SLAMF9: variants seen among roughly 807,000 people sequenced by gnomAD.
The protein encoded by SLAMF9 is SLAM family member 9, also known as CD2 family member 10.
Under a neutral mutation model 30.4 loss-of-function variants are expected in SLAMF9, and 25 were observed. The observed-to-expected ratio is 0.82, with a 90% CI of 0.60 to 1.15. The LOEUF is 1.15. Among genes scored for constraint, SLAMF9 ranks in the 50% most tolerant of loss-of-function variants. SLAMF9 has a pLI of 0.00. For synonymous variants in SLAMF9, 129 were observed against 127.2 expected (o/e 1.01, Z -0.09); for missense variants, 344 against 346.1 (o/e 0.99, Z 0.05).
In SLAMF9 at chr1:159,953,502, T is replaced by G; in HGVS notation, c.198A>C (p.Pro66=). 6.2e-7 allele frequency: 1 copy of G among 1,614,228 alleles called. No individual in the cohort carries two copies. The highest frequency in any genetic ancestry group is 8.5e-7 in the Non-Finnish European group (1 of 1,180,038). ...TGGTAGCTGGATGTCCCTCTTTCCC[T>G]GGCACCACAGTGGCAAGACTTTTGT... is the stretch of plus-strand genomic sequence containing the variant. ...SSHKSLATVV[P]GKEGHPATIM... The change falls in exon 2 of 4, where the codon CCA becomes CCC. Residue 66 remains proline (P), a synonymous_variant. Coordinates refer to ENST00000368093, the MANE Select transcript of SLAMF9 (RefSeq NM_033438.4).
chr1:159,958,475 T>G (rs1651977205), upstream of SLAMF9, among the ~76,000 whole-genome samples: 1 of 151,548 alleles, frequency 6.6e-6, no homozygotes, highest in African/African-American at 2.4e-5. Context: ...TTTTTTTTTA[T>G]TAAGAGACAG....
At chr1:159,952,158 C>T (rs1191173836) in intron 3 of SLAMF9, 104 bp downstream of exon 3, 1 of 1,377,160 alleles carries the variant, frequency 7.3e-7, no homozygotes, top group Non-Finnish European at 1.0e-6. Context: ...AGGGGGTTAG[C>T]TTCTGAATTC....
the SLAMF9 span, chr1:159,978,450 A>G: frequency 6.6e-6 from 1 of 152,236 alleles, no homozygotes; most frequent in Non-Finnish European, 1.5e-5. Context: ...TAGATGGACA[A>G]ATGTAGACAC....
At chr1:159,965,169 C>T in the SLAMF9 span, among the ~76,000 whole-genome samples, 7 of 152,156 alleles carry the variant, frequency 4.6e-5, no homozygotes, top group Non-Finnish European at 1.0e-4. Flanking sequence ...CAGGAAAACG[C>T]GAAGCTTACA....
At chr1:159,973,467 A>G in the SLAMF9 span, among the ~76,000 whole-genome samples, 1 of 151,864 alleles carries the variant, frequency 6.6e-6, no homozygotes, top group Non-Finnish European at 1.5e-5. Context: ...ACACAGCCAG[A>G]CCCTTCTGGA....
chr1:159,951,650 C>T lies in SLAMF9; in HGVS notation c.*11G>A. 1.2e-6 allele frequency: 2 copies of T among 1,613,294 alleles called. No homozygotes were observed. Among genetic ancestry groups the T allele is most frequent in the Non-Finnish European group, 1.7e-6 (2 of 1,179,782 alleles). Reference sequence around the variant, plus strand: ...GAAACCAAGCTCAGGACTGGGGTTCCCAAGGAGCAGTCAGGCAGGGCTGGA... The same window carrying T: ...GAAACCAAGCTCAGGACTGGGGTTCTCAAGGAGCAGTCAGGCAGGGCTGGA... On this transcript the variant is annotated 3_prime_UTR_variant, in exon 4 of 4. Transcript: ENST00000368093.
chr1:159,968,288 T>C, the SLAMF9 span, among the ~76,000 whole-genome samples: 1 of 152,208 alleles, frequency 6.6e-6, no homozygotes, highest in Non-Finnish European at 1.5e-5. Context: ...ACTTACTCTT[T>C]TGAGAACTGT....
the SLAMF9 span, chr1:159,974,097 C>T: frequency 6.8e-7 from 1 of 1,471,326 alleles, no homozygotes; most frequent in Non-Finnish European, 9.4e-7. Flanking sequence ...AGCCCTGGAG[C>T]TGCAGGTCCC....
chr1:159,953,430 G>A lies in SLAMF9; in HGVS notation c.270C>T (p.Asp90=). 1.2e-6 allele frequency: 2 copies of A among 1,614,234 alleles called. No homozygotes were observed. The highest frequency in any genetic ancestry group is 1.7e-6 in the Non-Finnish European group (2 of 1,180,038). The part of the protein sequence containing the change: ...PHYQGQVSFL[D]PSYSLHISNL... ...TGCTGATATGCAGGGAATAGCTGGG[G>A]TCCAGGAAGCTCACTTGGCCCTGGT... The change falls in exon 2 of 4, where the codon GAC becomes GAT. Residue 90 remains aspartate, a synonymous_variant. Coordinates refer to ENST00000368093, the MANE Select transcript of SLAMF9 (RefSeq NM_033438.4).
At chr1:159,960,010 TTATA>T in the SLAMF9 span, among the ~76,000 whole-genome samples, 1 of 148,338 alleles carries the variant, frequency 6.7e-6, no homozygotes, top group Non-Finnish European at 1.5e-5. Flanking sequence ...CCTGACTTCT[TTATA>T]TATATATATA....
upstream of SLAMF9, among the ~76,000 whole-genome samples, chr1:159,958,395 G>A (rs373217155): frequency 7.9e-5 from 12 of 152,038 alleles, no homozygotes; most frequent in African/African-American, 2.7e-4. Flanking sequence ...TGAGCTCTCC[G>A]AGTCCAGTGT....
At position 159,952,766 on chromosome 1, in the gene SLAMF9, G is replaced by A. The variant is rs113990438; in HGVS notation, c.392-232C>T. On this transcript the variant is annotated intron_variant, in intron 2 of 3. Transcript: ENST00000368093. The stretch of plus-strand genomic sequence containing the variant: ...TTGGCATCTTCCACCTCCCCTTTAC[G>A]TATTCTCTCTCTTACTTTTGTACTC... 7.9e-3 allele frequency among the ~76,000 whole-genome samples: 1,201 copies of A among 152,188 alleles called. 17 individuals carry two copies. The highest frequency in any genetic ancestry group is 0.027 in the African/African-American group (1,130 of 41,520).
At chr1:159,979,948 G>A in the SLAMF9 span, among the ~76,000 whole-genome samples, 1 of 152,200 alleles carries the variant, frequency 6.6e-6, no homozygotes, top group Non-Finnish European at 1.5e-5. Flanking sequence ...CTCAGAGATT[G>A]AAAATCACAG....
the SLAMF9 span, chr1:159,972,772 G>A: frequency 1.6e-5 from 9 of 568,542 alleles, no homozygotes; most frequent in Admixed American, 1.0e-4. Flanking sequence ...CAGAGGAGCT[G>A]TACCACATCT....
At chr1:159,959,937 C>A in the SLAMF9 span, among the ~76,000 whole-genome samples, 1 of 151,878 alleles carries the variant, frequency 6.6e-6, no homozygotes, top group Non-Finnish European at 1.5e-5. Flanking sequence ...AGGAAGAGAC[C>A]CATTCTAACA....
At chr1:159,963,670 C>T in the SLAMF9 span, among the ~76,000 whole-genome samples, 1 of 152,144 alleles carries the variant, frequency 6.6e-6, no homozygotes. Context: ...GGCTCATGTT[C>T]TTCTTGATTG....
the SLAMF9 span, among the ~76,000 whole-genome samples, chr1:159,982,593 T>G: frequency 6.6e-6 from 1 of 152,248 alleles, no homozygotes. Context: ...TTTATCAAAC[T>G]GTCCCACAAT....
Position 159,953,413 on chromosome 1 carries a change from T to A in SLAMF9, c.287A>T (p.His96Leu). Residue 96 changes from histidine to leucine, a missense_variant, in exon 2 of 4, where the codon CAT becomes CTT. Physicochemically the swap from His to Leu is moderately conservative, Grantham distance 99. Transcript: ENST00000368093. ...VSFLDPSYSL[H>L]ISNLSWEDSG... ...ATCCTCCCAGCTCAGATTGCTGATA[T>A]GCAGGGAATAGCTGGGGTCCAGGAA... 1.2e-6 allele frequency: 2 copies of A among 1,614,220 alleles called. No individual in the cohort carries two copies. Among genetic ancestry groups the A allele is most frequent in the South Asian group, 1.1e-5 (1 of 91,086 alleles).
the SLAMF9 span, among the ~76,000 whole-genome samples, chr1:159,960,976 A>G: frequency 6.6e-6 from 1 of 152,120 alleles, no homozygotes; most frequent in Admixed American, 6.6e-5. Flanking sequence ...AACTATTAAC[A>G]CACCCTTTTC....
Sources: allele counts gnomAD v4.1 joint callset (sites outside exome capture counted in the v4.1 genomes callset), GRCh38; gene constraint gnomAD v4.1.1; transcripts MANE v1.5; gene names NCBI Gene and HGNC (gene_info 2026-07-23, HGNC 2026-07-21).